ELOVL5: variants seen among roughly 807,000 people sequenced by gnomAD.
The protein encoded by ELOVL5 is very long chain fatty acid elongase 5.
ELOVL5 carries 8 observed loss-of-function variants against 38.6 expected under a neutral mutation model. The observed-to-expected ratio is 0.21, with a 90% CI of 0.12 to 0.37. The LOEUF is 0.37. ELOVL5 is among the 10% of genes least tolerant of loss of function. The pLI is 1.00. For missense variants in ELOVL5, 280 were observed against 367.8 expected, an observed-to-expected ratio of 0.76 and a Z score of 1.95; for synonymous variants, 127 against 133.7, an observed-to-expected ratio of 0.95 and a Z score of 0.34.
intron 1 of ELOVL5, among the ~76,000 whole-genome samples, chr6:53,346,787 T>C (rs1039137713): frequency 6.6e-6 from 1 of 152,126 alleles, no homozygotes; most frequent in Non-Finnish European, 1.5e-5. Flanking sequence ...TGCTCACCTC[T>C]AGAAGCAGGA....
At chr6:53,334,985 C>T (rs568566759) in intron 1 of ELOVL5, among the ~76,000 whole-genome samples, 100 of 152,334 alleles carry the variant, frequency 6.6e-4, no homozygotes, top group African/African-American at 2.2e-3. Flanking sequence ...TGCTGCTCCA[C>T]AGCTAGCTGT....
At chr6:53,290,394 C>G (rs559963582) in intron 3 of ELOVL5, 99 of 152,250 alleles carry the variant, frequency 6.5e-4, no homozygotes, top group African/African-American at 2.3e-3. Context: ...GCAGTTCACT[C>G]AGAAACCTGA....
chr6:53,329,780 T>G (rs765205396), intron 1 of ELOVL5, among the ~76,000 whole-genome samples: 2 of 152,160 alleles, frequency 1.3e-5, no homozygotes, highest in Non-Finnish European at 2.9e-5. Flanking sequence ...GTCAAAATCA[T>G]GCCATCGCAC....
At chr6:53,289,985 T>C (rs1405781480) in intron 3 of ELOVL5, 1 of 152,198 alleles carries the variant, frequency 6.6e-6, no homozygotes, top group Non-Finnish European at 1.5e-5. Context: ...AAACTGTGAG[T>C]TAAAAATGTA....
At chr6:53,341,535 A>G (rs1769329977) in intron 1 of ELOVL5, among the ~76,000 whole-genome samples, 1 of 152,224 alleles carries the variant, frequency 6.6e-6, no homozygotes, top group African/African-American at 2.4e-5. Context: ...CCTCATCTGT[A>G]AAATTGGGGT....
intron 1 of ELOVL5, among the ~76,000 whole-genome samples, chr6:53,305,259 C>A (rs1581955902): frequency 2.0e-5 from 3 of 147,134 alleles, no homozygotes; most frequent in African/African-American, 7.6e-5. Context: ...GGGCTCCTCA[C>A]TTCCCAGTAG....
intron 1 of ELOVL5, among the ~76,000 whole-genome samples, chr6:53,316,680 A>T (rs373420459): frequency 2.0e-5 from 3 of 146,890 alleles, no homozygotes; most frequent in Non-Finnish European, 4.5e-5. Flanking sequence ...CACATGGGAG[A>T]GATGTCCAGG....
chr6:53,331,932 T>C (rs1768822255), intron 1 of ELOVL5, among the ~76,000 whole-genome samples: 1 of 152,184 alleles, frequency 6.6e-6, no homozygotes. Context: ...AGGAAGCTTT[T>C]ACTCACTGTG....
chr6:53,340,365 G>C lies in ELOVL5; in HGVS notation c.-9+8452C>G, dbSNP rs546015643. On this transcript the variant is annotated intron_variant, in intron 1 of 7. Transcript: ENST00000304434. ...AACCTCACAAAGTGCTGAGATTACA[G>C]ACATGAGCCACCACACCTAATCAAA... Among the ~76,000 whole-genome samples the C allele has an allele frequency of 1.3e-4, 20 of 152,214 alleles. 1 individual carries two copies. The highest frequency in any genetic ancestry group is 4.8e-4 in the African/African-American group (20 of 41,536).
chr6:53,336,306 C>T lies in ELOVL5; in HGVS notation c.-9+12511G>A, dbSNP rs574096562. 1.2e-4 allele frequency among the ~76,000 whole-genome samples: 19 copies of T among 152,238 alleles called. No homozygotes were observed. The South Asian group carries it at 3.3e-3, about 27-fold the overall frequency. ...GCTACTGAGGCAGATAAGCTCTGTC[C>T]GACATGTATGGTGTACTTTAGCCTG... On this transcript the variant is annotated intron_variant, in intron 1 of 7. Coordinates refer to ENST00000304434, the MANE Select transcript of ELOVL5 (RefSeq NM_021814.5).
intron 1 of ELOVL5, among the ~76,000 whole-genome samples, chr6:53,330,517 CTTTTT>C (rs757160862): frequency 6.6e-5 from 6 of 91,394 alleles, no homozygotes; most frequent in African/African-American, 2.1e-4. Flanking sequence ...TCTTTATAAA[CTTTTT>C]TTTTTTTTTT....
At chr6:53,311,560 G>A (rs1267756732) in intron 1 of ELOVL5, among the ~76,000 whole-genome samples, 1 of 152,058 alleles carries the variant, frequency 6.6e-6, no homozygotes, top group African/African-American at 2.4e-5. Context: ...ATTTATAACA[G>A]TCAAAAAGTA....
intron 1 of ELOVL5, among the ~76,000 whole-genome samples, chr6:53,299,406 G>C (rs2127577362): frequency 6.6e-6 from 1 of 152,332 alleles, no homozygotes; most frequent in South Asian, 2.1e-4. Context: ...TGAAAATACA[G>C]ATTGGTGGGG....
At chr6:53,332,563 CAGG>C (rs1335833713) in intron 1 of ELOVL5, among the ~76,000 whole-genome samples, 1 of 151,882 alleles carries the variant, frequency 6.6e-6, no homozygotes, top group East Asian at 1.9e-4. Context: ...CAGAACGGAG[CAGG>C]AGGAGGGAAA....
chr6:53,313,003 A>G (rs1477245315), intron 1 of ELOVL5, among the ~76,000 whole-genome samples: 2 of 152,234 alleles, frequency 1.3e-5, no homozygotes, highest in South Asian at 2.1e-4. Context: ...TTTCTTATTC[A>G]GACTACTCAG....
chr6:53,294,627 TG>T, intron 2 of ELOVL5: 1 of 1,312,964 alleles, frequency 7.6e-7, no homozygotes. Context: ...CATTTAGAGT[TG>T]GATTTTTTGT....
intron 3 of ELOVL5, among the ~76,000 whole-genome samples, chr6:53,282,480 T>C (rs1383394043): frequency 2.6e-5 from 4 of 152,212 alleles, no homozygotes; most frequent in Non-Finnish European, 5.9e-5. Flanking sequence ...ATGAAGGATG[T>C]TTGAGCTGCA....
At chr6:53,272,939 T>C (rs904345322) in intron 6 of ELOVL5, among the ~76,000 whole-genome samples, 1 of 152,218 alleles carries the variant, frequency 6.6e-6, no homozygotes, top group Non-Finnish European at 1.5e-5. Context: ...TACATGCATA[T>C]GTGCTTATGT....
At position 53,270,709 on chromosome 6, in the gene ELOVL5, T is replaced by C. The variant is rs200213620; in HGVS notation, c.640A>G (p.Ile214Val). The C allele has an allele frequency of 1.6e-5, 26 of 1,614,012 alleles. No homozygotes were observed. The highest frequency in any genetic ancestry group is 6.7e-5 in the East Asian group (3 of 44,890). ...QGQLLQFVLT[I>V]IQTSCGVIWP... ...ATGACCCCGCAGCTGGTCTGGATGATTGTCAGCACAAACTGAAGCTAGGGG... is the reference window on the plus strand; with the variant it reads ...ATGACCCCGCAGCTGGTCTGGATGACTGTCAGCACAAACTGAAGCTAGGGG... Residue 214 changes from isoleucine to valine, a missense_variant, in exon 7 of 8, where the codon ATC becomes GTC. Ile to Val is a conservative substitution (Grantham distance 29). This residue lies in a region of ELOVL5 where 125 missense variants were observed against 158.9 expected (regional missense o/e 0.79). Transcript: ENST00000304434.
Sources: gnomAD v4.1 joint callset for allele counts (sites outside exome capture counted in the v4.1 genomes callset) on GRCh38, gnomAD v4.1.1 for gene constraint, gnomAD v4.1.1 regional missense constraint, MANE v1.5 for transcripts, NCBI Gene and HGNC (gene_info 2026-07-23, HGNC 2026-07-21) for gene names.